EPB41L4B: variants seen among roughly 807,000 people sequenced by gnomAD.
EPB41L4B encodes erythrocyte membrane protein band 4.1 like 4B, also known as band 4.1-like protein 4B.
EPB41L4B carries 30 observed loss-of-function variants against 112.5 expected under a neutral mutation model. The ratio of observed to expected loss-of-function variants is 0.27; its 90% CI spans 0.20 to 0.36. The LOEUF is 0.36. Among genes scored for constraint, EPB41L4B ranks in the 10% least tolerant of loss-of-function variants. EPB41L4B has a pLI of 1.00. For missense variants in EPB41L4B, 1,024 were observed against 1,133.3 expected (o/e 0.90, Z 1.38); for synonymous variants, 408 against 439.7 (o/e 0.93, Z 0.90).
chr9:109,279,886 A>T lies in EPB41L4B; in HGVS notation c.342T>A (p.Ile114=), dbSNP rs758819952. The change falls in exon 2 of 26, where the codon ATT becomes ATA. Residue 114 remains isoleucine (I), a synonymous_variant. Transcript: ENST00000374566. The part of the protein sequence containing the change: ...HAKGQDLFDQ[I]VYHLDLVETD... Reference sequence around the variant, plus strand: ...TTTCCACAAGGTCCAAGTGGTACACAATCTGATCAAACAAATCCTGGCCTT... The same window carrying T: ...TTTCCACAAGGTCCAAGTGGTACACTATCTGATCAAACAAATCCTGGCCTT... 1 of 1,614,196 alleles carries T rather than the reference A, an allele frequency of 6.2e-7. No individual in the cohort carries two copies. The highest frequency in any genetic ancestry group is 1.1e-5 in the South Asian group (1 of 91,072).
rs186063164 is a variant in EPB41L4B, at chr9:109,265,059, C to A, written c.534-35G>T. On this transcript the variant is annotated intron_variant, in intron 4 of 25. Coordinates refer to ENST00000374566, the MANE Select transcript of EPB41L4B (RefSeq NM_019114.5). Reference sequence around the variant, plus strand: ...ATATACAAAAGTCAACAGAGGGTAACTCTTTCCCAGCTGCTCCCAATCCCC... The same window carrying A: ...ATATACAAAAGTCAACAGAGGGTAAATCTTTCCCAGCTGCTCCCAATCCCC... 357 of 1,580,710 alleles carry A rather than the reference C, an allele frequency of 2.3e-4. No individual in the cohort carries two copies. In the African/African-American group the frequency reaches 4.6e-3, roughly 21 times the overall value.
At chr9:109,318,186 C>T (rs1043817070) in intron 1 of EPB41L4B, among the ~76,000 whole-genome samples, 5 of 150,946 alleles carry the variant, frequency 3.3e-5, no homozygotes, top group African/African-American at 9.8e-5. Flanking sequence ...TGTGTGCACG[C>T]GCATAAATAC....
At position 109,268,452 on chromosome 9, in the gene EPB41L4B, G is replaced by T; in HGVS notation, c.412-19C>A. 1 of 1,603,692 alleles carries T rather than the reference G, an allele frequency of 6.2e-7. No individual in the cohort carries two copies. Reference sequence around the variant, plus strand: ...GCCAGTGCTGAAAGAAAGAAAAAAAGTTTCTTTAGGAATAGTTCATCAGCA... The same window carrying T: ...GCCAGTGCTGAAAGAAAGAAAAAAATTTTCTTTAGGAATAGTTCATCAGCA... On this transcript the variant is annotated intron_variant, in intron 2 of 25. Coordinates refer to ENST00000374566, the MANE Select transcript of EPB41L4B (RefSeq NM_019114.5).
In EPB41L4B at chr9:109,207,964, A is replaced by G; in HGVS notation, c.1838T>C (p.Leu613Pro). 6.2e-7 allele frequency: 1 copy of G among 1,614,182 alleles called. No individual in the cohort carries two copies. The highest frequency in any genetic ancestry group is 8.5e-7 in the Non-Finnish European group (1 of 1,180,020). Residue 613 changes from leucine to proline, a missense_variant, in exon 18 of 26, where the codon CTG (leucine) becomes CCG (proline). Leu to Pro is a moderately conservative substitution (Grantham distance 98). Transcript: ENST00000374566. ...PVADHVKCNI[L>P]KAQLENASRV... ...GGAAGCATTTTCCAACTGGGCTTTC[A>G]GAATGTTACACTTCACATGATCCGC...
chr9:109,239,867 T>C (rs1233617260), intron 15 of EPB41L4B: 3 of 985,444 alleles, frequency 3.0e-6, no homozygotes, highest in Non-Finnish European at 3.6e-6. Context: ...TACAGGACTA[T>C]TACTGAGGAA....
intron 23 of EPB41L4B, among the ~76,000 whole-genome samples, chr9:109,184,404 G>C (rs529282487): frequency 6.6e-6 from 1 of 152,252 alleles, no homozygotes; most frequent in South Asian, 2.1e-4. Context: ...ATTTTTAATA[G>C]AGTTGGGGTT....
intron 24 of EPB41L4B, among the ~76,000 whole-genome samples, chr9:109,178,608 C>A (rs763044417): frequency 7.2e-5 from 11 of 151,862 alleles, no homozygotes; most frequent in Non-Finnish European, 1.3e-4. Context: ...GACACCATAA[C>A]TGGGGTTTTT....
At chr9:109,247,401 T>A (rs983460087) in intron 14 of EPB41L4B, among the ~76,000 whole-genome samples, 2 of 152,136 alleles carry the variant, frequency 1.3e-5, no homozygotes, top group African/African-American at 2.4e-5. Context: ...AAGGGACTCA[T>A]GTTCCCTAGG....
At chr9:109,280,900 C>G (rs1337040698) in intron 1 of EPB41L4B, among the ~76,000 whole-genome samples, 1 of 152,066 alleles carries the variant, frequency 6.6e-6, no homozygotes, top group Non-Finnish European at 1.5e-5. Flanking sequence ...CTGACTCTCC[C>G]TTTAACTGCA....
At chr9:109,209,243 G>C (rs1462446307) in intron 17 of EPB41L4B, among the ~76,000 whole-genome samples, 1 of 152,048 alleles carries the variant, frequency 6.6e-6, no homozygotes, top group African/African-American at 2.4e-5. Context: ...TTCCCAGGGG[G>C]ACCTCCAAAC....
At chr9:109,225,076 T>G (rs190236599) in intron 15 of EPB41L4B, among the ~76,000 whole-genome samples, 1 of 152,340 alleles carries the variant, frequency 6.6e-6, no homozygotes, top group African/African-American at 2.4e-5. Flanking sequence ...TCCTTGTGTA[T>G]GTATCTTGTC....
intron 24 of EPB41L4B, among the ~76,000 whole-genome samples, chr9:109,180,620 T>G: frequency 6.6e-6 from 1 of 152,162 alleles, no homozygotes; most frequent in South Asian, 2.1e-4. Flanking sequence ...GCTCATCCTC[T>G]GAAACTTGAA....
intron 2 of EPB41L4B, among the ~76,000 whole-genome samples, chr9:109,274,634 C>A (rs1008578628): frequency 6.6e-6 from 1 of 152,200 alleles, no homozygotes; most frequent in African/African-American, 2.4e-5. Context: ...ATTGACTGAA[C>A]CTTCCCTTTC....
At chr9:109,279,715 A>G in intron 2 of EPB41L4B, 102 bp downstream of exon 2, 1 of 973,342 alleles carries the variant, frequency 1.0e-6, no homozygotes, top group Non-Finnish European at 1.6e-6. Context: ...ACAGTATCAC[A>G]GTTTTAGTCT....
intron 1 of EPB41L4B, among the ~76,000 whole-genome samples, chr9:109,307,994 G>C (rs1015040324): frequency 6.6e-6 from 1 of 152,186 alleles, no homozygotes; most frequent in African/African-American, 2.4e-5. Context: ...GATGGGAAAG[G>C]CCTTTCGCCG....
At chr9:109,305,592 T>G (rs1837155272) in intron 1 of EPB41L4B, among the ~76,000 whole-genome samples, 1 of 152,086 alleles carries the variant, frequency 6.6e-6, no homozygotes, top group Non-Finnish European at 1.5e-5. Context: ...CACTCCATCC[T>G]GGGCGAAAGA....
At chr9:109,273,463 T>A (rs187210586) in intron 2 of EPB41L4B, among the ~76,000 whole-genome samples, 134 of 152,292 alleles carry the variant, frequency 8.8e-4, no homozygotes, top group African/African-American at 3.0e-3. Flanking sequence ...GCTAGTCTGG[T>A]CTTGAACTCC....
intron 16 of EPB41L4B, among the ~76,000 whole-genome samples, chr9:109,214,643 A>G (rs1026215328): frequency 2.6e-5 from 4 of 152,338 alleles, no homozygotes; most frequent in Non-Finnish European, 4.4e-5. Context: ...GGCAAAGGGA[A>G]CAGCAGGTGC....
At chr9:109,243,972 G>A (rs572568242) in intron 14 of EPB41L4B, among the ~76,000 whole-genome samples, 15 of 152,328 alleles carry the variant, frequency 9.8e-5, no homozygotes, top group East Asian at 9.7e-4. Context: ...GAAGGGGGTC[G>A]TCCGGAGTAC....
Sources: gnomAD v4.1 joint callset for allele counts (sites outside exome capture counted in the v4.1 genomes callset) on GRCh38, gnomAD v4.1.1 for gene constraint, MANE v1.5 for transcripts, NCBI Gene and HGNC (gene_info 2026-07-23, HGNC 2026-07-21) for gene names.